The following SAMMSON variants were observed in gnomAD, a reference collection of about 807,000 sequenced individuals.
SAMMSON encodes long intergenic non-protein coding RNA 1212.
intron 4 of SAMMSON, among the ~76,000 whole-genome samples, chr3:70,100,975 A>G (rs2067343528): frequency 6.6e-6 from 1 of 152,230 alleles, no homozygotes; most frequent in Admixed American, 6.5e-5. Context: ...CAACAAAATT[A>G]TTACAGCTTT....
At chr3:70,039,194 T>G (rs1374339092) in intron 3 of SAMMSON, among the ~76,000 whole-genome samples, 2 of 152,110 alleles carry the variant, frequency 1.3e-5, no homozygotes, top group Non-Finnish European at 2.9e-5. Flanking sequence ...TTGAATCTTG[T>G]CTCCATTAGT....
intron 3 of SAMMSON, among the ~76,000 whole-genome samples, chr3:70,048,928 C>T (rs563407552): frequency 2.0e-5 from 3 of 152,112 alleles, no homozygotes; most frequent in South Asian, 4.2e-4. Flanking sequence ...CTTTGGAAGG[C>T]GGCAGGATTT....
At chr3:70,020,205 C>T (rs1576098647) in intron 3 of SAMMSON, among the ~76,000 whole-genome samples, 1 of 152,122 alleles carries the variant, frequency 6.6e-6, no homozygotes, top group South Asian at 2.1e-4. Flanking sequence ...AAATATGGAT[C>T]TAAAAGTCAT....
At chr3:70,131,260 G>C (rs1388319586) in intron 4 of SAMMSON, among the ~76,000 whole-genome samples, 1 of 152,164 alleles carries the variant, frequency 6.6e-6, no homozygotes, top group African/African-American at 2.4e-5. Context: ...CATTATTTTA[G>C]TCTAAAAGCA....
chr3:70,096,749 C>T (rs2067324367), intron 4 of SAMMSON, among the ~76,000 whole-genome samples: 1 of 152,148 alleles, frequency 6.6e-6, no homozygotes, highest in Non-Finnish European at 1.5e-5. Flanking sequence ...AGTTAATTAA[C>T]AGCAACATGT....
intron 7 of SAMMSON, among the ~76,000 whole-genome samples, chr3:70,329,229 T>A (rs919274323): frequency 1.3e-5 from 2 of 152,134 alleles, no homozygotes; most frequent in African/African-American, 4.8e-5. Context: ...AAGTGAAGGA[T>A]TAACCATATA....
At chr3:70,378,831 T>C (rs1289488428) in intron 9 of SAMMSON, among the ~76,000 whole-genome samples, 1 of 152,054 alleles carries the variant, frequency 6.6e-6, no homozygotes, top group Non-Finnish European at 1.5e-5. Flanking sequence ...AACCCACTTG[T>C]AGATTCTTAT....
At chr3:70,415,624 G>A (rs150448737) in intron 2 of SAMMSON, among the ~76,000 whole-genome samples, 2 of 152,072 alleles carry the variant, frequency 1.3e-5, no homozygotes, top group Non-Finnish European at 2.9e-5. Flanking sequence ...TTTCAATATG[G>A]TAATATGTTC....
chr3:70,309,532 T>C (rs1702436940), intron 7 of SAMMSON, among the ~76,000 whole-genome samples: 2 of 152,198 alleles, frequency 1.3e-5, no homozygotes, highest in Non-Finnish European at 2.9e-5. Context: ...CTCAGGGAGA[T>C]AAAGTAACAT....
intron 4 of SAMMSON, among the ~76,000 whole-genome samples, chr3:70,083,392 A>C (rs1196868977): frequency 3.3e-5 from 5 of 152,180 alleles, no homozygotes. Flanking sequence ...ACTCTGGAAA[A>C]TCATTCTCAT....
At chr3:70,319,615 A>C (rs1702521862) in intron 7 of SAMMSON, among the ~76,000 whole-genome samples, 1 of 152,058 alleles carries the variant, frequency 6.6e-6, no homozygotes, top group African/African-American at 2.4e-5. Context: ...CTTTATTTTA[A>C]GTTTTAGAAG....
At chr3:70,206,465 T>C (rs1386250768) in intron 4 of SAMMSON, 2 of 395,570 alleles carry the variant, frequency 5.1e-6, no homozygotes, top group African/African-American at 2.1e-5. Flanking sequence ...TCGTGTTTAA[T>C]ATTCATAAGG....
At chr3:70,332,049 T>C (rs1217689956) in intron 7 of SAMMSON, among the ~76,000 whole-genome samples, 2 of 152,242 alleles carry the variant, frequency 1.3e-5, no homozygotes, top group Non-Finnish European at 2.9e-5. Context: ...CGCCATTGTT[T>C]AGATAAACTT....
Position 70,116,231 on chromosome 3 carries a change from G to A in SAMMSON, n.507+44666G>A, listed in dbSNP as rs545124309. On this transcript the variant is annotated intron_variant and non_coding_transcript_variant, in intron 4 of 9. Transcript: ENST00000642114. ...AGATATTGGAAATTATTGCAAAGGG[G>A]ATATAGAAAATGACTAAGTTAATGA... Among the ~76,000 whole-genome samples, 97 of 150,688 alleles carry A rather than the reference G, an allele frequency of 6.4e-4. No homozygotes were observed. In the South Asian group the frequency reaches 8.4e-3, roughly 13 times the overall value.
chr3:70,123,019 C>A (rs764760669), intron 4 of SAMMSON, among the ~76,000 whole-genome samples: 4 of 152,160 alleles, frequency 2.6e-5, no homozygotes, highest in Non-Finnish European at 4.4e-5. Flanking sequence ...ACCTGAAATA[C>A]TTAAAAATAG....
intron 4 of SAMMSON, among the ~76,000 whole-genome samples, chr3:70,220,904 C>T (rs557831448): frequency 1.3e-5 from 2 of 152,218 alleles, no homozygotes; most frequent in African/African-American, 4.8e-5. Context: ...CCTTGGCATT[C>T]CTGAGCTTAG....
intron 4 of SAMMSON, among the ~76,000 whole-genome samples, chr3:70,209,004 G>C (rs1701316708): frequency 3.3e-5 from 5 of 152,054 alleles, no homozygotes; most frequent in Admixed American, 2.6e-4. Flanking sequence ...CTACAGATGA[G>C]AGAACACTAG....
At chr3:70,234,139 G>A (rs534053076) in intron 4 of SAMMSON, among the ~76,000 whole-genome samples, 21 of 152,286 alleles carry the variant, frequency 1.4e-4, no homozygotes, top group Non-Finnish European at 2.8e-4. Flanking sequence ...ATATCTGAGT[G>A]GGATGTGGAC....
chr3:70,035,042 C>T (rs956365472), intron 3 of SAMMSON, among the ~76,000 whole-genome samples: 18 of 152,064 alleles, frequency 1.2e-4, no homozygotes, highest in Admixed American at 5.9e-4. Flanking sequence ...CTGGATTCTC[C>T]GTTTAGGATC....
Sources: allele counts gnomAD v4.1 joint callset (sites outside exome capture counted in the v4.1 genomes callset), GRCh38; gene constraint gnomAD v4.1.1; transcripts MANE v1.5; gene names NCBI Gene and HGNC (gene_info 2026-07-23, HGNC 2026-07-21).